The following SLC22A9 variants were observed in gnomAD, a reference collection of about 807,000 sequenced individuals.
The protein encoded by SLC22A9 is solute carrier family 22 member 9, also known as organic anion transporter 7.
In SLC22A9, 64 loss-of-function variants were observed where a neutral mutation model predicts 50.1. The ratio of observed to expected loss-of-function variants is 1.28; its 90% CI spans 1.04 to 1.57. The LOEUF (loss-of-function observed/expected upper bound fraction) is 1.57, where lower values mean the gene tolerates loss of function less well. Among genes scored for constraint, SLC22A9 ranks in the 40% most tolerant of loss-of-function variants. The pLI is 0.00. For synonymous variants in SLC22A9, 261 were observed against 242.5 expected (o/e 1.08, Z -0.71); for missense variants, 757 against 676.1 (o/e 1.12, Z -1.33).
At chr11:63,378,177 A>T (rs1591014814) in intron 5 of SLC22A9, among the ~76,000 whole-genome samples, 1 of 148,252 alleles carries the variant, frequency 6.7e-6, no homozygotes, top group East Asian at 1.9e-4. Flanking sequence ...AGGCAGGGAG[A>T]CTCCTAACTC....
intron 6 of SLC22A9, among the ~76,000 whole-genome samples, chr11:63,404,927 C>A (rs988827668): frequency 6.6e-6 from 1 of 152,040 alleles, no homozygotes; most frequent in Non-Finnish European, 1.5e-5. Flanking sequence ...CAAGAAGAAG[C>A]AAATTCAAAG....
Position 63,373,929 on chromosome 11 carries a change from G to A in SLC22A9, c.697G>A (p.Gly233Arg), listed in dbSNP as rs1270328866. ...EWATHRFQAMGITLGMCPSGI... is the reference protein window; with the variant it reads ...EWATHRFQAMRITLGMCPSGI... ...GGCAACACACAGATTCCAGGCCATGGGAATTACATTGGGAATGTGCCCTTC... is the reference window on the plus strand; with the variant it reads ...GGCAACACACAGATTCCAGGCCATGAGAATTACATTGGGAATGTGCCCTTC... Residue 233 changes from glycine to arginine, a missense_variant, in exon 4 of 10, where the codon GGA becomes AGA. By Grantham distance (125) the Gly-to-Arg change is moderately radical. Transcript: ENST00000279178. 1 of 1,613,634 alleles carries A rather than the reference G, an allele frequency of 6.2e-7. No individual in the cohort carries two copies. Among genetic ancestry groups the A allele is most frequent in the East Asian group, 2.2e-5 (1 of 44,868 alleles).
intron 5 of SLC22A9, among the ~76,000 whole-genome samples, chr11:63,377,919 G>A (rs774017138): frequency 1.6e-4 from 24 of 152,052 alleles, no homozygotes; most frequent in Non-Finnish European, 2.6e-4. Context: ...TATTACAAAC[G>A]CCTCTATGCG....
chr11:63,370,105 C>T lies in SLC22A9; in HGVS notation c.49C>T (p.Gln17Ter). The T allele has an allele frequency of 6.2e-7, 1 of 1,613,918 alleles. No homozygotes were observed. Among genetic ancestry groups the T allele is most frequent in the Non-Finnish European group, 8.5e-7 (1 of 1,179,860 alleles). ...TCACGCTGGTGACCTGTGGAGATTC[C>T]AGATCCTTCAGACTGTTTTTCTCTC... is the stretch of plus-strand genomic sequence containing the variant. Reference protein sequence around the residue: ...LGHAGDLWRFQILQTVFLSIF... With the variant: ...LGHAGDLWRF The change falls in exon 1 of 10, where the codon CAG becomes TAG. Residue 17 changes from glutamine (Q) to a stop codon, truncating the protein, a stop_gained. Transcript: ENST00000279178. LOFTEE classifies it high-confidence loss of function.
intron 2 of SLC22A9, among the ~76,000 whole-genome samples, chr11:63,373,004 T>C (rs2014390581): frequency 6.6e-6 from 1 of 152,172 alleles, no homozygotes; most frequent in African/African-American, 2.4e-5. Flanking sequence ...ACAATGCCAA[T>C]GACATTGGTG....
At chr11:63,388,739 T>G (rs542060940) in intron 6 of SLC22A9, among the ~76,000 whole-genome samples, 1 of 151,992 alleles carries the variant, frequency 6.6e-6, no homozygotes, top group Non-Finnish European at 1.5e-5. Context: ...TTGAATAATA[T>G]GATAAAAATG....
intron 6 of SLC22A9, among the ~76,000 whole-genome samples, chr11:63,399,249 CATGAA>C (rs1415076806): frequency 6.6e-6 from 1 of 152,076 alleles, no homozygotes; most frequent in Non-Finnish European, 1.5e-5. Context: ...AATTAAAAGA[CATGAA>C]ATAGCTGAAT....
intron 9 of SLC22A9, 95 bp from the exon 10 acceptor site, chr11:63,409,707 G>T: frequency 7.8e-7 from 1 of 1,278,932 alleles, no homozygotes; most frequent in East Asian, 2.6e-5. Flanking sequence ...AATGGACAAA[G>T]AATCAACATT....
chr11:63,392,585 T>C (rs1169421967), intron 6 of SLC22A9, among the ~76,000 whole-genome samples: 1 of 152,084 alleles, frequency 6.6e-6, no homozygotes, highest in Non-Finnish European at 1.5e-5. Context: ...GCAAAGTCTG[T>C]TACCAGATGT....
At chr11:63,373,845 A>G in intron 3 of SLC22A9, 47 bp downstream of exon 3, 1 of 1,605,042 alleles carries the variant, frequency 6.2e-7, no homozygotes, top group Non-Finnish European at 8.5e-7. Context: ...TGACTTTGAA[A>G]TTGAAACTCC....
intron 6 of SLC22A9, among the ~76,000 whole-genome samples, chr11:63,402,193 G>T (rs1407650571): frequency 6.6e-6 from 1 of 151,960 alleles, no homozygotes; most frequent in African/African-American, 2.4e-5. Flanking sequence ...TGCCAGGGCT[G>T]ATGTTCAGCG....
intron 6 of SLC22A9, among the ~76,000 whole-genome samples, chr11:63,386,401 T>C (rs966770964): frequency 6.7e-6 from 1 of 148,334 alleles, no homozygotes; most frequent in African/African-American, 2.5e-5. Context: ...GTACCTCTGG[T>C]AGAATTCAGC....
chr11:63,390,904 G>A (rs1480816587), intron 6 of SLC22A9, among the ~76,000 whole-genome samples: 4 of 151,928 alleles, frequency 2.6e-5, no homozygotes, highest in African/African-American at 9.7e-5. Context: ...TTTAAGATGT[G>A]TCATGAGGTT....
In SLC22A9 at chr11:63,408,175, C is replaced by G; in HGVS notation, c.1352C>G (p.Thr451Ser). 6.2e-7 allele frequency: 1 copy of G among 1,613,750 alleles called. No individual in the cohort carries two copies. Among genetic ancestry groups the G allele is most frequent in the Non-Finnish European group, 8.5e-7 (1 of 1,179,770 alleles). ...LGLGASALAN[T>S]LAFAHGNEVI... is the part of the protein sequence containing the mutation. ...TTAGGAGCGTCTGCTCTTGCCAATA[C>G]CCTTGCTTTTGCCCATGGAAATGAA... The change falls in exon 8 of 10, where the codon ACC becomes AGC. Residue 451 changes from threonine (T) to serine (S), a missense_variant. Physicochemically the swap from Thr to Ser is moderately conservative, Grantham distance 58 (BLOSUM62 1). Transcript: ENST00000279178.
chr11:63,387,922 T>G (rs930456799), intron 6 of SLC22A9, among the ~76,000 whole-genome samples: 1 of 152,098 alleles, frequency 6.6e-6, no homozygotes, highest in African/African-American at 2.4e-5. Flanking sequence ...GTAAGCATGT[T>G]GACTTTCTTG....
At chr11:63,403,211 G>A (rs2014979237) in intron 6 of SLC22A9, among the ~76,000 whole-genome samples, 1 of 152,020 alleles carries the variant, frequency 6.6e-6, no homozygotes, top group Non-Finnish European at 1.5e-5. Context: ...TTTGAAAGCA[G>A]CAAGATAAAG....
At position 63,382,287 on chromosome 11, in the gene SLC22A9, A is replaced by G. The variant is rs762003797; in HGVS notation, c.1073+10A>G. ...TCCTGTCCTTTACGAGGTAAGCTTC[A>G]TGCAGTGTTTGAGGGTAAGTTACAG... is the stretch of plus-strand genomic sequence containing the variant. On this transcript the variant is annotated intron_variant, in intron 6 of 9. Transcript: ENST00000279178. 5 of 1,590,660 alleles carry G rather than the reference A, an allele frequency of 3.1e-6. No homozygotes were observed. Among genetic ancestry groups the G allele is most frequent in the Non-Finnish European group, 4.3e-6 (5 of 1,167,858 alleles).
At chr11:63,383,615 A>G (rs1003021899) in intron 6 of SLC22A9, among the ~76,000 whole-genome samples, 1 of 152,194 alleles carries the variant, frequency 6.6e-6, no homozygotes, top group African/African-American at 2.4e-5. Context: ...CAAAGCTTCA[A>G]AGAACATGAA....
chr11:63,405,368 C>T (rs1354618197), intron 6 of SLC22A9, among the ~76,000 whole-genome samples: 1 of 152,118 alleles, frequency 6.6e-6, no homozygotes, highest in Non-Finnish European at 1.5e-5. Flanking sequence ...CGACTAAGCC[C>T]TGCTGTGCTG....
Sources: gnomAD v4.1 joint callset for allele counts (sites outside exome capture counted in the v4.1 genomes callset) on GRCh38, gnomAD v4.1.1 for gene constraint, MANE v1.5 for transcripts, NCBI Gene and HGNC (gene_info 2026-07-23, HGNC 2026-07-21) for gene names.